The following ATP1A2 variants were observed in gnomAD, a reference collection of about 807,000 sequenced individuals.
ATP1A2 encodes the protein sodium/potassium-transporting ATPase subunit alpha-2.
A neutral mutation model predicts 113.1 loss-of-function variants in ATP1A2; 56 were observed. The ratio of observed to expected loss-of-function variants is 0.49; its 90% CI spans 0.40 to 0.62. The LOEUF is 0.62. Among genes scored for constraint, ATP1A2 ranks in the 20% least tolerant of loss-of-function variants. ATP1A2 has a pLI of 0.00. For missense variants in ATP1A2, 712 were observed against 1,357.8 expected (o/e 0.52, Z 7.47); for synonymous variants, 490 against 526.8 (o/e 0.93, Z 0.96).
In ATP1A2 at chr1:160,136,948, C is replaced by CT; in HGVS notation, c.2760dup (p.Ala921CysfsTer10). ...TGGAGTTCACGTGCCACACGGCATT[C>CT]TTTGCCAGCATCGTGGTGGTGCAGT... On this transcript the variant is annotated frameshift_variant, in exon 20 of 23. Coordinates refer to ENST00000361216, the MANE Select transcript of ATP1A2 (RefSeq NM_000702.4). LOFTEE classifies it high-confidence loss of function. 1.2e-6 allele frequency: 2 copies of CT among 1,614,218 alleles called. No homozygotes were observed. Among genetic ancestry groups the CT allele is most frequent in the Non-Finnish European group, 1.7e-6 (2 of 1,180,042 alleles).
rs140707454 is a variant in ATP1A2, at chr1:160,135,469, C to T, written c.2151C>T (p.Asn717=). Residue 717 remains asparagine (N), a synonymous_variant, in exon 16 of 23, where the codon AAC becomes AAT. Transcript: ENST00000361216. The surrounding 1 kb of genome is among the most constrained non-coding windows in gnomAD (Gnocchi z 6.3). ...AIVAVTGDGV[N]DSPALKKADI... is the part of the protein sequence containing the mutation. ...TGGCCGTGACGGGTGACGGGGTGAA[C>T]GACTCCCCTGCATTGAAGAAGGCTG... 49 of 1,614,202 alleles carry T rather than the reference C, an allele frequency of 3.0e-5. No individual in the cohort carries two copies. The highest frequency in any genetic ancestry group is 1.6e-4 in the Middle Eastern group (1 of 6,062).
At chr1:160,125,760 T>C (rs1466017105) in intron 7 of ATP1A2, among the ~76,000 whole-genome samples, 2 of 152,226 alleles carry the variant, frequency 1.3e-5, no homozygotes, top group African/African-American at 2.4e-5. Flanking sequence ...CTAACCTTTG[T>C]TACATCAAAA....
At chr1:160,130,733 C>A in intron 13 of ATP1A2, 136 bp downstream of exon 13, 1 of 1,293,252 alleles carries the variant, frequency 7.7e-7, no homozygotes, top group Non-Finnish European at 1.1e-6. Flanking sequence ...AGCTGTCCAT[C>A]TGCAAGGAAA....
At position 160,135,174 on chromosome 1, in the gene ATP1A2, C is replaced by G; in HGVS notation, c.1994C>G (p.Ser665Cys). ...REAKACVVHGSDLKDMTSEQL... is the reference protein window; with the variant it reads ...REAKACVVHGCDLKDMTSEQL... ...GCCAAGGCATGCGTGGTGCACGGCT[C>G]TGACCTGAAGGACATGACATCGGAG... Residue 665 changes from serine to cysteine, a missense_variant, in exon 15 of 23, where the codon TCT becomes TGT. This residue lies in a region of ATP1A2 where 263 missense variants were observed against 380.6 expected (regional missense o/e 0.69). Coordinates refer to ENST00000361216, the MANE Select transcript of ATP1A2 (RefSeq NM_000702.4). This position sits in a 1 kb window ranked among gnomAD's most constrained non-coding sequence, Gnocchi z 6.3. 2 of 1,614,212 alleles carry G rather than the reference C, an allele frequency of 1.2e-6. No homozygotes were observed. Among genetic ancestry groups the G allele is most frequent in the Non-Finnish European group, 8.5e-7 (1 of 1,180,052 alleles).
chr1:160,118,647 G>A (rs1558001474), intron 1 of ATP1A2, among the ~76,000 whole-genome samples: 3 of 152,078 alleles, frequency 2.0e-5, no homozygotes, highest in Admixed American at 6.5e-5. Flanking sequence ...ACAAACCCAC[G>A]ATTTTACTGG....
rs1286701176 is a variant in ATP1A2, at chr1:160,130,306, A to T, written c.1651+15A>T. On this transcript the variant is annotated intron_variant, in intron 12 of 22. Transcript: ENST00000361216. ...GCGTGTGCTGGGTGAGAGGCCAGAA[A>T]CAGGAGGCTCAGAAGGGGATTCCCA... The T allele has an allele frequency of 6.2e-7, 1 of 1,613,912 alleles. No homozygotes were observed. The highest frequency in any genetic ancestry group is 8.5e-7 in the Non-Finnish European group (1 of 1,179,982).
chr1:160,135,917 T>C lies in ATP1A2; in HGVS notation c.2363T>C (p.Leu788Pro), dbSNP rs750602260. 1.2e-6 allele frequency: 2 copies of C among 1,613,970 alleles called. No individual in the cohort carries two copies. The highest frequency in any genetic ancestry group is 8.5e-7 in the Non-Finnish European group (1 of 1,179,966). The change falls in exon 17 of 23, where the codon CTG (leucine) becomes CCG (proline). Residue 788 changes from leucine to proline, a missense_variant. Coordinates refer to ENST00000361216, the MANE Select transcript of ATP1A2 (RefSeq NM_000702.4). This position sits in a 1 kb window ranked among gnomAD's most constrained non-coding sequence, Gnocchi z 6.3. ...TSNIPEITPF[L>P]LFIIANIPLP... ...AACATCCCCGAGATCACCCCCTTCC[T>C]GCTGTTCATCATTGCCAACATCCCC...
In ATP1A2 at chr1:160,143,353, A is replaced by G. The variant is rs1209790002; in HGVS notation, c.*2031A>G. Reference sequence around the variant, plus strand: ...AATGGCATTTTTTTAGTAAATTAAGAGCATAAACAATATTGCTAGAGGTGG... The same window carrying G: ...AATGGCATTTTTTTAGTAAATTAAGGGCATAAACAATATTGCTAGAGGTGG... On this transcript the variant is annotated 3_prime_UTR_variant, in exon 23 of 23. Transcript: ENST00000361216. The G allele has an allele frequency of 6.6e-6, 1 of 152,634 alleles. No homozygotes were observed. Among genetic ancestry groups the G allele is most frequent in the African/African-American group, 2.4e-5 (1 of 41,460 alleles). 9.5% of individuals were successfully genotyped at this position (152,634 alleles called of 1,614,324 possible).
At position 160,127,827 on chromosome 1, in the gene ATP1A2, G is replaced by A. The variant is rs1438633873; in HGVS notation, c.1017+7G>A. 25 of 1,588,068 alleles carry A rather than the reference G, an allele frequency of 1.6e-5. No individual in the cohort carries two copies. Among genetic ancestry groups the A allele is most frequent in the Non-Finnish European group, 2.1e-5 (24 of 1,165,754 alleles). On this transcript the variant is annotated splice_region_variant and intron_variant, in intron 8 of 22. Coordinates refer to ENST00000361216, the MANE Select transcript of ATP1A2 (RefSeq NM_000702.4). The stretch of plus-strand genomic sequence containing the variant: ...GCTTCTGGCCACTGTCACTGTGAGT[G>A]GGTCAGGCTGAGGTGCCACCAGGGG...
intron 1 of ATP1A2, among the ~76,000 whole-genome samples, chr1:160,119,402 G>A (rs1415986882): frequency 6.6e-6 from 1 of 151,992 alleles, no homozygotes; most frequent in African/African-American, 2.4e-5. Context: ...GCAGAATCCA[G>A]TGGAGAAATA....
chr1:160,136,501 C>A lies in ATP1A2; in HGVS notation c.2564-69C>A, dbSNP rs1010428171. 9.3e-6 allele frequency: 15 copies of A among 1,613,408 alleles called. No homozygotes were observed. The South Asian group carries it at 1.2e-4, about 13-fold the overall frequency. On this transcript the variant is annotated intron_variant, in intron 18 of 22. Transcript: ENST00000361216. The stretch of plus-strand genomic sequence containing the variant: ...AAGGGTCAGGGACCTCCATCTCTGG[C>A]CCTGAGGGGCTGTGCCCCTTCTGCT...
chr1:160,116,273 C>A (rs914837284), intron 1 of ATP1A2, among the ~76,000 whole-genome samples: 4 of 152,156 alleles, frequency 2.6e-5, no homozygotes, highest in African/African-American at 9.7e-5. Flanking sequence ...TGAAAATATC[C>A]ATTCCTCTGG....
At chr1:160,133,432 A>G (rs564357960) in intron 13 of ATP1A2, among the ~76,000 whole-genome samples, 1 of 152,190 alleles carries the variant, frequency 6.6e-6, no homozygotes, top group African/African-American at 2.4e-5. Context: ...TGCAAATGCT[A>G]TCCTAACCCA....
intron 13 of ATP1A2, among the ~76,000 whole-genome samples, chr1:160,133,958 A>G (rs1362662466): frequency 6.6e-6 from 1 of 152,006 alleles, no homozygotes; most frequent in East Asian, 1.9e-4. Context: ...ACATAACTCA[A>G]CTTGCCATTA....
At chr1:160,129,432 A>AGAGG (rs747477770) in intron 11 of ATP1A2, 32 bp downstream of exon 11, 11 of 1,607,382 alleles carry the variant, frequency 6.8e-6, no homozygotes, top group Non-Finnish European at 8.5e-6. Context: ...AGAGGAAGAG[A>AGAGG]GAGGGATATA....
At chr1:160,132,246 G>A (rs1041362899) in intron 13 of ATP1A2, among the ~76,000 whole-genome samples, 2 of 152,092 alleles carry the variant, frequency 1.3e-5, no homozygotes, top group Non-Finnish European at 2.9e-5. Flanking sequence ...GTGGCAAGGA[G>A]TACTGGGGGT....
chr1:160,116,823 G>A (rs1335968393), intron 1 of ATP1A2, among the ~76,000 whole-genome samples: 1 of 152,162 alleles, frequency 6.6e-6, no homozygotes, highest in Non-Finnish European at 1.5e-5. Flanking sequence ...GGGCCCAGGA[G>A]GAGTCAGGCA....
Position 160,141,377 on chromosome 1 carries a change from G to C in ATP1A2, c.*55G>C. The C allele has an allele frequency of 6.2e-7, 1 of 1,606,292 alleles. No homozygotes were observed. Among genetic ancestry groups the C allele is most frequent in the South Asian group, 1.1e-5 (1 of 90,896 alleles). On this transcript the variant is annotated 3_prime_UTR_variant, in exon 23 of 23. Coordinates refer to ENST00000361216, the MANE Select transcript of ATP1A2 (RefSeq NM_000702.4). ...AGATGGGGAGCTCTGGAGGTGTTGT[G>C]GGGATGGTGATGGAGAGGGATGGAA...
chr1:160,136,480 G>A, intron 18 of ATP1A2, 90 bp from the exon 19 acceptor site: 1 of 1,612,714 alleles, frequency 6.2e-7, no homozygotes. Context: ...CTACCCAAGG[G>A]TCAGGGACCT....
Sources: gnomAD v4.1 joint callset for allele counts (sites outside exome capture counted in the v4.1 genomes callset) on GRCh38, gnomAD v4.1.1 for gene constraint, gnomAD v4.1.1 regional missense constraint, Gnocchi (gnomAD v3.1) non-coding constraint, MANE v1.5 for transcripts, NCBI Gene and HGNC (gene_info 2026-07-23, HGNC 2026-07-21) for gene names.